Variants in TMEM132D observed in about 807,000 individuals in gnomAD.
TMEM132D encodes the protein mature OL transmembrane protein.
Under a neutral mutation model 62.3 loss-of-function variants are expected in TMEM132D, and 21 were observed. That is an observed-to-expected ratio of 0.34 (90% CI 0.24 to 0.49). The LOEUF is 0.49. Among genes scored for constraint, TMEM132D ranks in the 20% least tolerant of loss-of-function variants. TMEM132D has a pLI of 0.99. For synonymous variants in TMEM132D, 621 were observed against 575.6 expected (o/e 1.08, Z -1.13); for missense variants, 1,346 against 1,402.8 (o/e 0.96, Z 0.65).
At chr12:129,242,926 A>C (rs1410355975) in intron 4 of TMEM132D, among the ~76,000 whole-genome samples, 1 of 90,848 alleles carries the variant, frequency 1.1e-5, no homozygotes, top group East Asian at 2.2e-4. Flanking sequence ...GTCCAGTAAG[A>C]GAGGCAGTAT....
chr12:129,354,774 G>T (rs1417995089), intron 3 of TMEM132D, among the ~76,000 whole-genome samples: 1 of 152,080 alleles, frequency 6.6e-6, no homozygotes. Flanking sequence ...CTAAACATTT[G>T]TCCAGGGTTA....
At chr12:129,583,728 T>C (rs1248546976) in intron 2 of TMEM132D, among the ~76,000 whole-genome samples, 1 of 152,214 alleles carries the variant, frequency 6.6e-6, no homozygotes, top group Non-Finnish European at 1.5e-5. Context: ...CGGGTCTGTC[T>C]GAGCAAAGAA....
intron 5 of TMEM132D, among the ~76,000 whole-genome samples, chr12:129,175,017 T>C (rs1374515109): frequency 2.0e-5 from 3 of 152,248 alleles, no homozygotes; most frequent in Non-Finnish European, 4.4e-5. Flanking sequence ...TCTCCCATTC[T>C]GTAGGTTGCC....
intron 3 of TMEM132D, among the ~76,000 whole-genome samples, chr12:129,431,022 T>C (rs1872640466): frequency 6.6e-6 from 1 of 152,200 alleles, no homozygotes; most frequent in African/African-American, 2.4e-5. Flanking sequence ...CTGAGGCCCA[T>C]TGGGTGCAAT....
rs184615122 is a variant in TMEM132D, at chr12:129,768,989, C to G, written c.80-68291G>C. The stretch of plus-strand genomic sequence containing the variant: ...TTCCAATTATCCTTGAAAAGCTCCT[C>G]GAGCCCACATCAAGTACAGTAGGAT... On this transcript the variant is annotated intron_variant, in intron 1 of 8. Coordinates refer to ENST00000422113, the MANE Select transcript of TMEM132D (RefSeq NM_133448.3). Among the ~76,000 whole-genome samples, 3 of 152,250 alleles carry G rather than the reference C, an allele frequency of 2.0e-5. No homozygotes were observed. The East Asian group carries it at 5.8e-4, about 29-fold the overall frequency.
rs538374392 is a variant in TMEM132D at position 129,242,028 on chromosome 12, A to G, written c.1300-32365T>C. Among the ~76,000 whole-genome samples, 232 of 152,270 alleles carry G rather than the reference A, an allele frequency of 1.5e-3. 1 individual carries two copies. Among genetic ancestry groups the G allele is most frequent in the Non-Finnish European group, 2.4e-3 (161 of 68,016 alleles). On this transcript the variant is annotated intron_variant, in intron 4 of 8. Coordinates refer to ENST00000422113, the MANE Select transcript of TMEM132D (RefSeq NM_133448.3). ...AAATCCCTTGAATATTAAGCAACTG[A>G]CCCTGGGGATTCGGCCAAGGGGCAC...
intron 4 of TMEM132D, among the ~76,000 whole-genome samples, chr12:129,241,430 T>C (rs933275242): frequency 6.6e-6 from 1 of 152,174 alleles, no homozygotes; most frequent in African/African-American, 2.4e-5. Flanking sequence ...TTCTTTGCTC[T>C]CTTCTTTGGC....
At chr12:129,120,183 G>T (rs912273225) in intron 5 of TMEM132D, among the ~76,000 whole-genome samples, 1 of 152,148 alleles carries the variant, frequency 6.6e-6, no homozygotes, top group African/African-American at 2.4e-5. Context: ...GTGCATGAGA[G>T]TGAAATGGCT....
intron 1 of TMEM132D, among the ~76,000 whole-genome samples, chr12:129,781,367 CAT>C (rs1871113474): frequency 6.6e-6 from 1 of 152,170 alleles, no homozygotes; most frequent in Non-Finnish European, 1.5e-5. Flanking sequence ...AGGTATGAGA[CAT>C]GTTTCTCAGT....
intron 2 of TMEM132D, among the ~76,000 whole-genome samples, chr12:129,674,022 A>G (rs1047776523): frequency 2.0e-5 from 3 of 152,344 alleles, no homozygotes; most frequent in South Asian, 2.1e-4. Flanking sequence ...TGCAGATGAC[A>G]CATGAAGACT....
intron 3 of TMEM132D, among the ~76,000 whole-genome samples, chr12:129,408,298 A>C (rs1188219472): frequency 6.6e-6 from 1 of 152,186 alleles, no homozygotes; most frequent in Non-Finnish European, 1.5e-5. Flanking sequence ...GAGGAATTTT[A>C]GAATTATTTT....
intron 1 of TMEM132D, among the ~76,000 whole-genome samples, chr12:129,703,924 C>CAAAAAAAAAAA (rs67547532): frequency 7.1e-6 from 1 of 140,950 alleles, no homozygotes. Context: ...CGGTAATAGG[C>CAAAAAAAAAAA]AAAAAAAAAA....
At chr12:129,148,656 C>T (rs1876981842) in intron 5 of TMEM132D, among the ~76,000 whole-genome samples, 2 of 152,176 alleles carry the variant, frequency 1.3e-5, no homozygotes, top group African/African-American at 4.8e-5. Context: ...TAACTTTGTG[C>T]ATTTTTAAAA....
intron 3 of TMEM132D, among the ~76,000 whole-genome samples, chr12:129,440,234 G>C (rs1252380154): frequency 6.6e-6 from 1 of 152,180 alleles, no homozygotes; most frequent in Non-Finnish European, 1.5e-5. Context: ...ATGAAAGTGG[G>C]ACTTTCTGTT....
chr12:129,445,093 A>G (rs570272321), intron 3 of TMEM132D, among the ~76,000 whole-genome samples: 10 of 151,624 alleles, frequency 6.6e-5, no homozygotes, highest in East Asian at 5.8e-4. Flanking sequence ...ATATCCATCA[A>G]TGAAAGACTG....
intron 3 of TMEM132D, among the ~76,000 whole-genome samples, chr12:129,506,859 G>C (rs1490401942): frequency 6.6e-6 from 1 of 152,094 alleles, no homozygotes; most frequent in East Asian, 1.9e-4. Context: ...ACAAATAGCT[G>C]GGGCTTAATT....
At chr12:129,780,340 G>GC in intron 1 of TMEM132D, among the ~76,000 whole-genome samples, 1 of 11,284 alleles carries the variant, frequency 8.9e-5, no homozygotes, top group South Asian at 1.6e-3. Flanking sequence ...TTGGTGGGGA[G>GC]GGGGGGGGCC....
chr12:129,113,146 C>A (rs113508490), intron 5 of TMEM132D: 1 of 152,202 alleles, frequency 6.6e-6, no homozygotes, highest in African/African-American at 2.4e-5. Context: ...ATCTGGACAT[C>A]GAGAAAACAG....
intron 1 of TMEM132D, among the ~76,000 whole-genome samples, chr12:129,800,420 G>A (rs529962660): frequency 3.4e-4 from 52 of 151,890 alleles, no homozygotes; most frequent in African/African-American, 7.0e-4. Context: ...CCTATGATAC[G>A]CCAGGCCCTG....
Sources: allele counts gnomAD v4.1 joint callset (sites outside exome capture counted in the v4.1 genomes callset), GRCh38; gene constraint gnomAD v4.1.1; transcripts MANE v1.5; gene names NCBI Gene and HGNC (gene_info 2026-07-23, HGNC 2026-07-21).